The following SORCS1 variants were observed in gnomAD, a reference collection of about 807,000 sequenced individuals.
SORCS1 encodes sortilin related VPS10 domain containing receptor 1, also known as VPS10 domain-containing receptor SorCS1.
In SORCS1, 60 loss-of-function variants were observed where a neutral mutation model predicts 146.1. The ratio of observed to expected loss-of-function variants is 0.41; its 90% CI spans 0.33 to 0.51. The LOEUF is 0.51. SORCS1 is among the 20% of genes least tolerant of loss of function. The pLI, the probability that SORCS1 is intolerant of heterozygous loss-of-function variation, is 0.21. For missense variants in SORCS1, 1,352 were observed against 1,487.6 expected (o/e 0.91, Z 1.50); for synonymous variants, 637 against 584.0 (o/e 1.09, Z -1.31).
rs1844524299 is a variant in SORCS1 at position 106,575,183 on chromosome 10, C to T, written c.*2237G>A. On this transcript the variant is annotated 3_prime_UTR_variant, in exon 26 of 26. Transcript: ENST00000263054. ...TGAAGAGGATCAATGAGGATGTTTC[C>T]TATGAGATAGGAAGCCTGGCAGGTT... 6.6e-6 allele frequency: 1 copy of T among 152,578 alleles called. No homozygotes were observed. The highest frequency in any genetic ancestry group is 1.5e-5 in the Non-Finnish European group (1 of 68,034). The allele number at this position is 152,578 out of a possible 1,614,324, so 9.5% of individuals were successfully genotyped here.
intron 2 of SORCS1, among the ~76,000 whole-genome samples, chr10:106,867,203 C>G (rs533838813): frequency 6.6e-6 from 1 of 152,030 alleles, no homozygotes; most frequent in Non-Finnish European, 1.5e-5. Flanking sequence ...AGGTAGGTCA[C>G]CTACAAAGGG....
chr10:106,612,962 C>T (rs1213099725), intron 21 of SORCS1, among the ~76,000 whole-genome samples: 1 of 152,160 alleles, frequency 6.6e-6, no homozygotes, highest in Non-Finnish European at 1.5e-5. Context: ...AGTTGAAGCA[C>T]TCCCTGGCTC....
At chr10:106,715,027 T>C (rs1855265056) in intron 6 of SORCS1, among the ~76,000 whole-genome samples, 1 of 152,238 alleles carries the variant, frequency 6.6e-6, no homozygotes, top group Admixed American at 6.5e-5. Context: ...TTGAACAGTC[T>C]GCCCGTGGTA....
chr10:106,946,031 G>T (rs1202337505), intron 2 of SORCS1, among the ~76,000 whole-genome samples: 2 of 152,162 alleles, frequency 1.3e-5, no homozygotes, highest in East Asian at 1.9e-4. Context: ...TTTCCCACTT[G>T]GCACTGGTTA....
At position 106,679,666 on chromosome 10, in the gene SORCS1, G is replaced by A; in HGVS notation, c.1629C>T (p.Ser543=). ...ENPYTSGIIA[S]KDTAPSIIVA... ...CTATGATGCTTGGAGCTGTGTCTTTGCTGGCAATGATCCCTGATGTGTAGG... is the reference window on the plus strand; with the variant it reads ...CTATGATGCTTGGAGCTGTGTCTTTACTGGCAATGATCCCTGATGTGTAGG... Residue 543 remains serine, a synonymous_variant, in exon 11 of 26, where the codon AGC becomes AGT. Transcript: ENST00000263054. 4 of 1,612,722 alleles carry A rather than the reference G, an allele frequency of 2.5e-6. No homozygotes were observed. The highest frequency in any genetic ancestry group is 3.4e-6 in the Non-Finnish European group (4 of 1,179,340).
chr10:107,154,008 C>CTTTTTTTTTTT (rs71025579), intron 1 of SORCS1, among the ~76,000 whole-genome samples: 59 of 94,040 alleles, frequency 6.3e-4, no homozygotes, highest in African/African-American at 9.3e-4. Flanking sequence ...CTTTTCTTTT[C>CTTTTTTTTTTT]TTTTTTTTTT....
chr10:106,759,804 T>C (rs985336071), intron 5 of SORCS1, among the ~76,000 whole-genome samples: 1 of 152,162 alleles, frequency 6.6e-6, no homozygotes, highest in Non-Finnish European at 1.5e-5. Context: ...CGCTAACATA[T>C]ATAGTTTATG....
rs144359827 is a variant in SORCS1 at position 107,017,864 on chromosome 10, C to A, written c.559-61284G>T. Among the ~76,000 whole-genome samples, 1,151 of 152,096 alleles carry A rather than the reference C, an allele frequency of 7.6e-3. 23 individuals are homozygous for A. The highest frequency in any genetic ancestry group is 0.026 in the African/African-American group (1,089 of 41,462). On this transcript the variant is annotated intron_variant, in intron 1 of 25. Coordinates refer to ENST00000263054, the MANE Select transcript of SORCS1 (RefSeq NM_052918.5). The stretch of plus-strand genomic sequence containing the variant: ...GTTTTTTAGTAGAGATGGTGTTTCA[C>A]CATGTTAGTCAGGCTAGTCTTGAAC...
intron 5 of SORCS1, among the ~76,000 whole-genome samples, chr10:106,735,351 G>A (rs1215153051): frequency 3.7e-4 from 57 of 152,016 alleles, no homozygotes; most frequent in Non-Finnish European, 1.9e-4. Flanking sequence ...TAAGAATGAG[G>A]GCTACATAAT....
intron 2 of SORCS1, among the ~76,000 whole-genome samples, chr10:106,924,111 G>A (rs1042697478): frequency 7.2e-5 from 11 of 152,140 alleles, no homozygotes; most frequent in South Asian, 4.2e-4. Context: ...AAAATTAGTC[G>A]GGCGTGGAGG....
intron 6 of SORCS1, among the ~76,000 whole-genome samples, chr10:106,728,188 C>A (rs934611749): frequency 1.3e-5 from 2 of 152,150 alleles, no homozygotes; most frequent in Admixed American, 6.5e-5. Context: ...CGCACCACCA[C>A]ACTCAGCTAA....
chr10:106,870,999 G>A (rs552785072), intron 2 of SORCS1, among the ~76,000 whole-genome samples: 94 of 152,026 alleles, frequency 6.2e-4, no homozygotes, highest in Admixed American at 2.8e-3. Context: ...ACTTAAACAA[G>A]TGTATATAAG....
At chr10:107,031,753 A>T (rs1261073778) in intron 1 of SORCS1, among the ~76,000 whole-genome samples, 1 of 152,092 alleles carries the variant, frequency 6.6e-6, no homozygotes, top group Non-Finnish European at 1.5e-5. Flanking sequence ...GATTACAGGA[A>T]TAAGCCACCA....
At chr10:106,580,652 C>T (rs1242733189) in intron 24 of SORCS1, among the ~76,000 whole-genome samples, 5 of 152,104 alleles carry the variant, frequency 3.3e-5, no homozygotes, top group Non-Finnish European at 7.4e-5. Context: ...CTGGTGTGAG[C>T]CGAGAGGGCA....
At chr10:106,640,968 G>A (rs941012327) in intron 18 of SORCS1, among the ~76,000 whole-genome samples, 16 of 152,174 alleles carry the variant, frequency 1.1e-4, no homozygotes, top group Non-Finnish European at 1.8e-4. Context: ...ATGCATAAAT[G>A]CATTGTGTGT....
chr10:106,970,336 C>CTTTTTTTTTTTTTTTTTTTTTTTTTTT lies in SORCS1; in HGVS notation c.559-13757_559-13756insAAAAAAAAAAAAAAAAAAAAAAAAAAA, dbSNP rs766818370. ...TTCCCTCCAAATGTAACCAACATCT[C>CTTTTTTTTTTTTTTTTTTTTTTTTTTT]TTTTTTTTTTTTTTTTTTTGAGATG... On this transcript the variant is annotated intron_variant, in intron 1 of 25. Coordinates refer to ENST00000263054, the MANE Select transcript of SORCS1 (RefSeq NM_052918.5). Among the ~76,000 whole-genome samples the CTTTTTTTTTTTTTTTTTTTTTTTTTTT allele has an allele frequency of 4.7e-4, 42 of 89,430 alleles. 7 individuals carry two copies. The highest frequency in any genetic ancestry group is 2.0e-3 in the African/African-American group (36 of 18,460). The allele number at this position is 89,430 out of a possible 152,430, so 58.7% of individuals were successfully genotyped here. A position where few individuals can be genotyped will look rare whatever the true frequency, so the allele number is the denominator to read the frequency against.
At chr10:106,899,913 C>T (rs1226314569) in intron 2 of SORCS1, among the ~76,000 whole-genome samples, 1 of 150,860 alleles carries the variant, frequency 6.6e-6, no homozygotes, top group African/African-American at 2.4e-5. Flanking sequence ...CTTTTGCACT[C>T]TTCCTCTCTA....
At chr10:106,706,331 G>A (rs1854526244) in intron 8 of SORCS1, among the ~76,000 whole-genome samples, 2 of 151,830 alleles carry the variant, frequency 1.3e-5, no homozygotes, top group African/African-American at 4.8e-5. Context: ...AAGGAAGAGA[G>A]AGAGAGAAAG....
intron 20 of SORCS1, among the ~76,000 whole-genome samples, chr10:106,619,283 T>C (rs917823624): frequency 1.3e-5 from 2 of 152,208 alleles, no homozygotes; most frequent in African/African-American, 4.8e-5. Flanking sequence ...TTCACACACA[T>C]AGTTTCAGGT....
Sources: gnomAD v4.1 joint callset for allele counts (sites outside exome capture counted in the v4.1 genomes callset) on GRCh38, gnomAD v4.1.1 for gene constraint, MANE v1.5 for transcripts, NCBI Gene and HGNC (gene_info 2026-07-23, HGNC 2026-07-21) for gene names.